FGF10: variants seen among roughly 807,000 people sequenced by gnomAD.
FGF10 encodes fibroblast growth factor 10, also known as FGF-10.
In FGF10, 2 loss-of-function variants were observed where a neutral mutation model predicts 19.8. That is an observed-to-expected ratio of 0.10 (90% confidence interval 0.04 to 0.32). The LOEUF is 0.32. Ranked by LOEUF, FGF10 falls within the 10% of genes least tolerant of loss-of-function variation. The pLI is 1.00. For synonymous variants in FGF10, 112 were observed against 94.0 expected, an observed-to-expected ratio of 1.19 and a Z score of -1.10; for missense variants, 191 against 246.3, an observed-to-expected ratio of 0.78 and a Z score of 1.50.
chr5:44,306,540 A>G (rs1212171371), intron 2 of FGF10, among the ~76,000 whole-genome samples: 2 of 152,232 alleles, frequency 1.3e-5, no homozygotes, highest in Non-Finnish European at 2.9e-5. Flanking sequence ...CCCCGTGGGC[A>G]TAGTTCAGTT....
At chr5:44,355,905 C>T (rs1034253284) in intron 1 of FGF10, among the ~76,000 whole-genome samples, 5 of 151,316 alleles carry the variant, frequency 3.3e-5, no homozygotes, top group Non-Finnish European at 7.4e-5. Context: ...AGACTTGATC[C>T]ACTAATACTT....
chr5:44,310,523 C>T lies in FGF10; in HGVS notation c.333G>A (p.Leu111=). ...CTCCGATTTCTACTGATGTTATCTC[C>T]AGGATGCCTAAAACATACAATTTTA... is the stretch of plus-strand genomic sequence containing the variant. ...TKKENCPYSI[L]EITSVEIGVV... The change falls in exon 2 of 3, where the codon CTG becomes CTA. Residue 111 remains leucine (L), a synonymous_variant. Transcript: ENST00000264664. 6.2e-7 allele frequency: 1 copy of T among 1,607,098 alleles called. No homozygotes were observed. The highest frequency in any genetic ancestry group is 8.5e-7 in the Non-Finnish European group (1 of 1,174,296).
intron 1 of FGF10, among the ~76,000 whole-genome samples, chr5:44,312,188 C>A (rs1740227874): frequency 1.1e-5 from 1 of 94,606 alleles, no homozygotes; most frequent in Admixed American, 1.3e-4. Flanking sequence ...TGGTAGTTTC[C>A]CTAAGGTACA....
At chr5:44,351,774 G>T (rs1273492726) in intron 1 of FGF10, among the ~76,000 whole-genome samples, 2 of 151,592 alleles carry the variant, frequency 1.3e-5, no homozygotes, top group Non-Finnish European at 1.5e-5. Flanking sequence ...TGGAGAGATG[G>T]AGTCAATAGT....
At chr5:44,356,559 T>C (rs754752399) in intron 1 of FGF10, among the ~76,000 whole-genome samples, 71 of 151,394 alleles carry the variant, frequency 4.7e-4, no homozygotes, top group Non-Finnish European at 9.5e-4. Context: ...CCAAATGCAA[T>C]GGAGTTTGTG....
chr5:44,338,411 T>C (rs989963163), intron 1 of FGF10, among the ~76,000 whole-genome samples: 9 of 152,218 alleles, frequency 5.9e-5, no homozygotes, highest in African/African-American at 2.2e-4. Flanking sequence ...AAAGAAATTA[T>C]GAAGCTCTGT....
intron 1 of FGF10, among the ~76,000 whole-genome samples, chr5:44,386,190 A>G (rs1255233993): frequency 1.3e-5 from 2 of 152,112 alleles, no homozygotes; most frequent in Non-Finnish European, 2.9e-5. Context: ...TTCAGTGTGT[A>G]CTGTGGAAAT....
At chr5:44,371,725 TA>T (rs1382327382) in intron 1 of FGF10, among the ~76,000 whole-genome samples, 1 of 152,176 alleles carries the variant, frequency 6.6e-6, no homozygotes, top group African/African-American at 2.4e-5. Context: ...AATAACGTTT[TA>T]AAAGCATATA....
chr5:44,371,336 G>T (rs998850413), intron 1 of FGF10, among the ~76,000 whole-genome samples: 2 of 152,032 alleles, frequency 1.3e-5, no homozygotes, highest in Non-Finnish European at 2.9e-5. Flanking sequence ...CATGACTTTG[G>T]ACTTCTCAGA....
intron 1 of FGF10, among the ~76,000 whole-genome samples, chr5:44,373,953 T>G (rs1202508163): frequency 6.6e-6 from 1 of 152,184 alleles, no homozygotes; most frequent in African/African-American, 2.4e-5. Context: ...TGTATTGGTT[T>G]CTTATGGCTT....
Position 44,388,619 on chromosome 5 carries a change from A to G in FGF10, c.64T>C (p.Cys22Arg), listed in dbSNP as rs200247528. The stretch of plus-strand genomic sequence containing the variant: ...ACCAAGAACAGCAACAAAAAGCAGC[A>G]GCAGCAGCAGCCGGGCAGGTGGGGA... Reference protein sequence around the residue: ...AFPHLPGCCCCCFLLLFLVSS... With the variant: ...AFPHLPGCCCRCFLLLFLVSS... Residue 22 changes from cysteine to arginine, a missense_variant, in exon 1 of 3, where the codon TGC becomes CGC. Physicochemically the swap from Cys to Arg is radical, Grantham distance 180. Around this residue, in one of 2 missense-constraint regions of FGF10, gnomAD observed 92 missense variants for 84.6 expected, o/e 1.09. Coordinates refer to ENST00000264664, the MANE Select transcript of FGF10 (RefSeq NM_004465.2). The G allele has an allele frequency of 8.4e-5, 135 of 1,614,172 alleles. No individual in the cohort carries two copies. The highest frequency in any genetic ancestry group is 1.8e-4 in the Admixed American group (11 of 60,022).
chr5:44,344,568 C>CTGTGTGTGCGTGTGTGTG (rs1554037822), intron 1 of FGF10, among the ~76,000 whole-genome samples: 34 of 126,854 alleles, frequency 2.7e-4, no homozygotes, highest in Non-Finnish European at 3.4e-4. Context: ...TTTGTTTTCT[C>CTGTGTGTGCGTGTGTGTG]TGTGTGTGTG....
At chr5:44,341,664 C>T (rs1329029647) in intron 1 of FGF10, among the ~76,000 whole-genome samples, 1 of 151,856 alleles carries the variant, frequency 6.6e-6, no homozygotes, top group African/African-American at 2.4e-5. Context: ...CCTAAAACCT[C>T]TAGGGAACTG....
At chr5:44,368,040 T>C (rs1741658816) in intron 1 of FGF10, among the ~76,000 whole-genome samples, 1 of 152,042 alleles carries the variant, frequency 6.6e-6, no homozygotes, top group South Asian at 2.1e-4. Context: ...AATATGACTT[T>C]AATAACAACC....
At chr5:44,350,041 A>AAC (rs542380779) in intron 1 of FGF10, among the ~76,000 whole-genome samples, 3 of 150,358 alleles carry the variant, frequency 2.0e-5, no homozygotes, top group Non-Finnish European at 3.0e-5. Flanking sequence ...AAATTAAACA[A>AAC]ACACACACAC....
chr5:44,378,368 C>T (rs1741911575), intron 1 of FGF10, among the ~76,000 whole-genome samples: 2 of 152,150 alleles, frequency 1.3e-5, no homozygotes, highest in African/African-American at 4.8e-5. Context: ...TCTTAAAGAA[C>T]CAGGCCTCTA....
chr5:44,366,590 G>A (rs1383471768), intron 1 of FGF10, among the ~76,000 whole-genome samples: 1 of 151,926 alleles, frequency 6.6e-6, no homozygotes, highest in African/African-American at 2.4e-5. Context: ...AAGCTACCAA[G>A]GGCCTGCTGT....
chr5:44,367,120 C>G (rs1359045445), intron 1 of FGF10, among the ~76,000 whole-genome samples: 5 of 151,974 alleles, frequency 3.3e-5, no homozygotes, highest in Admixed American at 3.3e-4. Context: ...ACTGAAAGAA[C>G]TGATAGAAAA....
At chr5:44,381,457 C>T (rs1741980239) in intron 1 of FGF10, among the ~76,000 whole-genome samples, 1 of 150,756 alleles carries the variant, frequency 6.6e-6, no homozygotes. Context: ...GTTCAGAAAC[C>T]AGATAAAAGT....
Sources: allele counts gnomAD v4.1 joint callset (sites outside exome capture counted in the v4.1 genomes callset), GRCh38; gene constraint gnomAD v4.1.1; regional missense constraint gnomAD v4.1.1; transcripts MANE v1.5; gene names NCBI Gene and HGNC (gene_info 2026-07-23, HGNC 2026-07-21).